The following COPZ1 variants were observed in gnomAD, a reference collection of about 807,000 sequenced individuals.
COPZ1 encodes the protein coatomer subunit zeta-1.
COPZ1 carries 4 observed loss-of-function variants against 31.7 expected under a neutral mutation model. That is an observed-to-expected ratio of 0.13 (90% CI 0.06 to 0.29). COPZ1 has a LOEUF of 0.29. COPZ1 is among the 10% of genes least tolerant of loss of function. COPZ1 has a pLI of 1.00. For synonymous variants in COPZ1, 74 were observed against 79.0 expected (o/e 0.94, Z 0.33); for missense variants, 156 against 211.5 (o/e 0.74, Z 1.63).
chr12:54,351,430 A>G lies in COPZ1; in HGVS notation c.*907A>G, dbSNP rs1450021855. 6.6e-6 allele frequency: 1 copy of G among 152,186 alleles called. No homozygotes were observed. The highest frequency in any genetic ancestry group is 1.5e-5 in the Non-Finnish European group (1 of 68,154). 9.4% of individuals were successfully genotyped at this position (152,186 alleles called of 1,614,324 possible). ...CTGTCCCCTCAGCTCCCCGACATGC[A>G]TTTACTCTCTGCCGTGGGTCTGCAG... On this transcript the variant is annotated 3_prime_UTR_variant, in exon 9 of 9. Transcript: ENST00000262061.
At chr12:54,341,493 G>C (rs1451324290) in intron 2 of COPZ1, among the ~76,000 whole-genome samples, 2 of 152,214 alleles carry the variant, frequency 1.3e-5, no homozygotes. Flanking sequence ...TTCACCAGCT[G>C]TTCCTCCCTG....
rs576733321 is a variant in COPZ1 at position 54,327,989 on chromosome 12, C to T, written c.18+2808C>T. 1.9e-4 allele frequency among the ~76,000 whole-genome samples: 29 copies of T among 150,214 alleles called. 2 individuals carry two copies. The South Asian group carries it at 3.2e-3, about 16-fold the overall frequency. On this transcript the variant is annotated intron_variant, in intron 1 of 8. Coordinates refer to ENST00000262061, the MANE Select transcript of COPZ1 (RefSeq NM_016057.3). The stretch of plus-strand genomic sequence containing the variant: ...GAGTTATATGTGAAAGTATCTCTGT[C>T]GGGCGCAGTGCAGTGGCTCATGCCT...
Position 54,326,961 on chromosome 12 carries a change from C to CTTTTTTTTTTTTTTT in COPZ1, c.18+1803_18+1817dup, listed in dbSNP as rs60827109. Among the ~76,000 whole-genome samples the CTTTTTTTTTTTTTTT allele has an allele frequency of 4.4e-4, 19 of 43,566 alleles. 7 individuals carry two copies. Among genetic ancestry groups the CTTTTTTTTTTTTTTT allele is most frequent in the Non-Finnish European group, 6.2e-4 (14 of 22,524 alleles). The allele number at this position is 43,566 out of a possible 152,430, so 28.6% of individuals were successfully genotyped here. On this transcript the variant is annotated intron_variant, in intron 1 of 8. Transcript: ENST00000262061. ...CTGTACCAAGCAGTTAACAAGTATT[C>CTTTTTTTTTTTTTTT]TTTTTTTTTTTTTTTTTTTTTTTTT...
chr12:54,348,059 A>G lies in COPZ1; in HGVS notation c.447+8A>G. On this transcript the variant is annotated splice_region_variant and intron_variant, in intron 7 of 8. Coordinates refer to ENST00000262061, the MANE Select transcript of COPZ1 (RefSeq NM_016057.3). Reference sequence around the variant, plus strand: ...CACCGGGTGGCATTAAGGGTAAGCAAGAATGTGTTTCTTTGCATCCCCGCA... The same window carrying G: ...CACCGGGTGGCATTAAGGGTAAGCAGGAATGTGTTTCTTTGCATCCCCGCA... 1 of 1,613,842 alleles carries G rather than the reference A, an allele frequency of 6.2e-7. No individual in the cohort carries two copies. The highest frequency in any genetic ancestry group is 8.5e-7 in the Non-Finnish European group (1 of 1,179,750).
chr12:54,334,615 A>G (rs1328324421), intron 1 of COPZ1, among the ~76,000 whole-genome samples: 1 of 152,048 alleles, frequency 6.6e-6, no homozygotes, highest in East Asian at 1.9e-4. Flanking sequence ...GCACTTTGGG[A>G]GGATGAGGCG....
At chr12:54,347,662 T>G in intron 5 of COPZ1, 105 bp from the exon 6 acceptor site, 1 of 922,566 alleles carries the variant, frequency 1.1e-6, no homozygotes, top group Non-Finnish European at 1.7e-6. Flanking sequence ...GTGTGGTTGG[T>G]GGAGATGTTT....
At chr12:54,335,182 A>G (rs936113365) in intron 1 of COPZ1, among the ~76,000 whole-genome samples, 1 of 83,852 alleles carries the variant, frequency 1.2e-5, no homozygotes, top group Non-Finnish European at 2.6e-5. Flanking sequence ...AAACTCTGTC[A>G]AAAAAAAAAA....
chr12:54,340,851 T>C (rs1953961490), intron 2 of COPZ1, among the ~76,000 whole-genome samples: 1 of 151,974 alleles, frequency 6.6e-6, no homozygotes, highest in Non-Finnish European at 1.5e-5. Context: ...AGGCACGCGC[T>C]ACCACCCCCG....
chr12:54,343,367 C>A, intron 4 of COPZ1, 51 bp downstream of exon 4: 2 of 1,465,634 alleles, frequency 1.4e-6, no homozygotes, highest in Non-Finnish European at 9.6e-7. Flanking sequence ...TTCTAAACCA[C>A]AGGCAGTACA....
At chr12:54,340,277 C>T in intron 1 of COPZ1, 1 of 497,184 alleles carries the variant, frequency 2.0e-6, no homozygotes, top group Non-Finnish European at 3.5e-6. Flanking sequence ...ACAGCATGAC[C>T]TCTCTTGATT....
In COPZ1 at chr12:54,334,109, A is replaced by G. The variant is rs1014079381; in HGVS notation, c.19-6438A>G. ...TAATAATAATATTAATAAATCTGAT[A>G]TAGGCTGGGCGTGGTGGCTCATGCC... On this transcript the variant is annotated intron_variant, in intron 1 of 8. Transcript: ENST00000262061. Among the ~76,000 whole-genome samples, 11 of 152,056 alleles carry G rather than the reference A, an allele frequency of 7.2e-5. 1 individual carries two copies. The South Asian group carries it at 1.2e-3, about 17-fold the overall frequency.
At chr12:54,334,369 C>T (rs1239792527) in intron 1 of COPZ1, among the ~76,000 whole-genome samples, 1 of 151,388 alleles carries the variant, frequency 6.6e-6, no homozygotes, top group African/African-American at 2.4e-5. Flanking sequence ...TGCAGTGAGC[C>T]AAGATCACGC....
chr12:54,344,122 A>G (rs921239114), intron 4 of COPZ1, among the ~76,000 whole-genome samples: 12 of 152,258 alleles, frequency 7.9e-5, no homozygotes, highest in African/African-American at 2.9e-4. Flanking sequence ...TCCAACCCAT[A>G]TCTGTCTGAC....
chr12:54,347,253 C>T (rs540382881), intron 5 of COPZ1, among the ~76,000 whole-genome samples: 4 of 152,324 alleles, frequency 2.6e-5, no homozygotes, highest in South Asian at 4.1e-4. Context: ...CTGGTGTATG[C>T]AGACCCTGCC....
intron 1 of COPZ1, among the ~76,000 whole-genome samples, chr12:54,331,166 TCA>T (rs1200229267): frequency 6.0e-5 from 9 of 149,578 alleles, no homozygotes; most frequent in African/African-American, 2.2e-4. Context: ...CTTTTTATTT[TCA>T]CACTCTTTTT....
At chr12:54,331,171 C>CTTT (rs1565589476) in intron 1 of COPZ1, among the ~76,000 whole-genome samples, 1 of 138,522 alleles carries the variant, frequency 7.2e-6, no homozygotes, top group South Asian at 2.3e-4. Flanking sequence ...TATTTTCACA[C>CTTT]TCTTTTTTTT....
chr12:54,332,797 C>T (rs948888184), intron 1 of COPZ1, among the ~76,000 whole-genome samples: 4 of 151,572 alleles, frequency 2.6e-5, no homozygotes, highest in African/African-American at 7.3e-5. Flanking sequence ...CCTTTATTCC[C>T]CCTGCTGGCT....
At chr12:54,347,636 C>A in intron 5 of COPZ1, 131 bp from the exon 6 acceptor site, 1 of 754,278 alleles carries the variant, frequency 1.3e-6, no homozygotes, top group Admixed American at 3.2e-5. Context: ...AAGTTCTTCA[C>A]CTTATTTACT....
At position 54,348,070 on chromosome 12, in the gene COPZ1, C is replaced by A. The variant is rs1954094526; in HGVS notation, c.447+19C>A. 1.1e-5 allele frequency: 17 copies of A among 1,613,098 alleles called. No individual in the cohort carries two copies. The highest frequency in any genetic ancestry group is 1.4e-5 in the Non-Finnish European group (17 of 1,179,116). ...ATTAAGGGTAAGCAAGAATGTGTTTCTTTGCATCCCCGCATCTATTCACAA... is the reference window on the plus strand; with the variant it reads ...ATTAAGGGTAAGCAAGAATGTGTTTATTTGCATCCCCGCATCTATTCACAA... On this transcript the variant is annotated intron_variant, in intron 7 of 8. Transcript: ENST00000262061.
Sources: allele counts gnomAD v4.1 joint callset (sites outside exome capture counted in the v4.1 genomes callset), GRCh38; gene constraint gnomAD v4.1.1; transcripts MANE v1.5; gene names NCBI Gene and HGNC (gene_info 2026-07-23, HGNC 2026-07-21).